ZNF618: variants seen among roughly 807,000 people sequenced by gnomAD.
The protein encoded by ZNF618 is neural precursor cell expressed, developmentally down-regulated 10.
A neutral mutation model predicts 103.0 loss-of-function variants in ZNF618; 34 were observed. That is an observed-to-expected ratio of 0.33 (90% confidence interval 0.25 to 0.44). The LOEUF (loss-of-function observed/expected upper bound fraction) is 0.44, where lower values mean the gene tolerates loss of function less well. Ranked by LOEUF, ZNF618 falls within the 20% of genes least tolerant of loss-of-function variation. The probability of loss-of-function intolerance (pLI) is 1.00; values close to 1 mark genes in which losing one functional copy is unlikely to be tolerated. For synonymous variants in ZNF618, 551 were observed against 542.2 expected (o/e 1.02, Z -0.23); for missense variants, 1,059 against 1,295.4 (o/e 0.82, Z 2.80).
intron 1 of ZNF618, among the ~76,000 whole-genome samples, chr9:113,916,072 C>G (rs201702968): frequency 8.0e-5 from 12 of 149,800 alleles, no homozygotes; most frequent in South Asian, 2.1e-4. Flanking sequence ...GCGCGTGTGT[C>G]TGTGTGTGTG....
intron 13 of ZNF618, among the ~76,000 whole-genome samples, chr9:114,037,277 G>A (rs35841848): frequency 0.3 from 44,934 of 152,022 alleles, 8,131 homozygotes; most frequent in East Asian, 0.62. Flanking sequence ...TATTGGCTCC[G>A]TCCTCCTCTA....
At chr9:114,036,203 T>C (rs1156788896) in intron 12 of ZNF618, 97 bp from the exon 13 acceptor site, 6 of 1,101,980 alleles carry the variant, frequency 5.4e-6, no homozygotes, top group Non-Finnish European at 8.0e-6. Context: ...AGACCCGGTG[T>C]GTGTTTGGGT....
intron 9 of ZNF618, among the ~76,000 whole-genome samples, chr9:114,009,005 T>C (rs996718576): frequency 6.6e-6 from 1 of 152,182 alleles, no homozygotes; most frequent in African/African-American, 2.4e-5. Flanking sequence ...TATCAGTGAA[T>C]GAGCTGTCCA....
rs553801693 is a variant in ZNF618 at position 113,976,255 on chromosome 9, A to G, written c.77+7095A>G. ...GTCTCTAGGGAACTCAGTCCTCCCAATCAGCACATGCCCCCCACATGTGCT... is the reference window on the plus strand; with the variant it reads ...GTCTCTAGGGAACTCAGTCCTCCCAGTCAGCACATGCCCCCCACATGTGCT... On this transcript the variant is annotated intron_variant, in intron 2 of 14. Transcript: ENST00000374126. Among the ~76,000 whole-genome samples the G allele has an allele frequency of 1.1e-4, 16 of 152,292 alleles. No homozygotes were observed. In the East Asian group the frequency reaches 2.9e-3, roughly 28 times the overall value.
chr9:114,007,244 G>C, intron 6 of ZNF618, 106 bp from the exon 7 acceptor site: 1 of 878,910 alleles, frequency 1.1e-6, no homozygotes, highest in Non-Finnish European at 1.8e-6. Context: ...CCGCTAGCCA[G>C]ACTGGGCTAG....
intron 1 of ZNF618, among the ~76,000 whole-genome samples, chr9:113,932,781 G>A (rs1456295687): frequency 6.6e-6 from 1 of 152,124 alleles, no homozygotes; most frequent in Non-Finnish European, 1.5e-5. Context: ...TGGAGGTGTG[G>A]AATGGGAGCC....
intron 1 of ZNF618, among the ~76,000 whole-genome samples, chr9:113,942,032 A>T (rs1834598445): frequency 6.6e-6 from 1 of 152,162 alleles, no homozygotes; most frequent in South Asian, 2.1e-4. Context: ...ACGAAATAGG[A>T]CACAACGGAC....
rs376145816 is a variant in ZNF618, at chr9:114,016,801, G to C, written c.844+17G>C. 1.9e-6 allele frequency: 3 copies of C among 1,596,102 alleles called. No homozygotes were observed. Among genetic ancestry groups the C allele is most frequent in the Non-Finnish European group, 2.6e-6 (3 of 1,166,898 alleles). On this transcript the variant is annotated intron_variant, in intron 10 of 14. Coordinates refer to ENST00000374126, the MANE Select transcript of ZNF618 (RefSeq NM_001318042.2). ...CCCCCATCAGTGAGTACCTCCTCCCGGTAGGGATGGGGGTTGGGGGACCCG... is the reference window on the plus strand; with the variant it reads ...CCCCCATCAGTGAGTACCTCCTCCCCGTAGGGATGGGGGTTGGGGGACCCG...
At chr9:113,979,174 G>A (rs1453797014) in intron 2 of ZNF618, among the ~76,000 whole-genome samples, 1 of 152,196 alleles carries the variant, frequency 6.6e-6, no homozygotes, top group African/African-American at 2.4e-5. Context: ...TAACAGGGCA[G>A]GAGCCTGTTA....
chr9:114,045,328 C>T (rs1845562926), intron 13 of ZNF618, among the ~76,000 whole-genome samples: 1 of 152,026 alleles, frequency 6.6e-6, no homozygotes, highest in Admixed American at 6.6e-5. Flanking sequence ...CCTTATAAAA[C>T]TCTAAGAATT....
chr9:114,026,867 A>G (rs1038681669), intron 10 of ZNF618, among the ~76,000 whole-genome samples: 4 of 151,890 alleles, frequency 2.6e-5, no homozygotes, highest in African/African-American at 9.7e-5. Flanking sequence ...GGTGGAGTCG[A>G]GGGGGGAAAA....
At chr9:113,936,794 A>T (rs1184453736) in intron 1 of ZNF618, among the ~76,000 whole-genome samples, 2 of 152,146 alleles carry the variant, frequency 1.3e-5, no homozygotes, top group Admixed American at 6.5e-5. Flanking sequence ...CATTATTTTT[A>T]AAAATGTGCT....
At chr9:113,881,107 GTCT>G (rs1828476402) in intron 1 of ZNF618, among the ~76,000 whole-genome samples, 1 of 152,206 alleles carries the variant, frequency 6.6e-6, no homozygotes, top group African/African-American at 2.4e-5. Flanking sequence ...TCTTTGCAAG[GTCT>G]TCTTGCTGGA....
rs764249122 is a variant in ZNF618 at position 114,002,669 on chromosome 9, A to C, written c.550+7A>C. 1 of 1,610,988 alleles carries C rather than the reference A, an allele frequency of 6.2e-7. No individual in the cohort carries two copies. Among genetic ancestry groups the C allele is most frequent in the Admixed American group, 1.7e-5 (1 of 59,966 alleles). ...GAGGGAGCCTCCCAAAGCAGTGAGT[A>C]CTTTTTCCTCCTCGTGGGCTGCTGA... On this transcript the variant is annotated splice_region_variant and intron_variant, in intron 6 of 14. Coordinates refer to ENST00000374126, the MANE Select transcript of ZNF618 (RefSeq NM_001318042.2).
chr9:114,019,017 A>G lies in ZNF618; in HGVS notation c.844+2233A>G, dbSNP rs1351921346. ...TCATCAGGTGGTATCCATGGCTGGG[A>G]CTTGAGACTCTGGGTCTGGTGAGTG... is the stretch of plus-strand genomic sequence containing the variant. On this transcript the variant is annotated intron_variant, in intron 10 of 14. Coordinates refer to ENST00000374126, the MANE Select transcript of ZNF618 (RefSeq NM_001318042.2). 2.6e-5 allele frequency among the ~76,000 whole-genome samples: 4 copies of G among 152,262 alleles called. No homozygotes were observed. The East Asian group carries it at 7.7e-4, about 29-fold the overall frequency.
chr9:114,002,612 C>CTG lies in ZNF618; in HGVS notation c.512-11_512-10insGT. ...TAGCCCCACCCCCATCCCTCTCTCTCTCTCTTTGCAGACACCGAAGCCACC... is the reference window on the plus strand; with the variant it reads ...TAGCCCCACCCCCATCCCTCTCTCTCTGTCTCTTTGCAGACACCGAAGCCACC... On this transcript the variant is annotated splice_polypyrimidine_tract_variant and intron_variant, in intron 5 of 14. Transcript: ENST00000374126. The CTG allele has an allele frequency of 6.2e-7, 1 of 1,609,918 alleles. No homozygotes were observed. The highest frequency in any genetic ancestry group is 8.5e-7 in the Non-Finnish European group (1 of 1,179,566).
At chr9:113,985,580 C>T (rs752233637) in intron 2 of ZNF618, among the ~76,000 whole-genome samples, 5 of 152,220 alleles carry the variant, frequency 3.3e-5, no homozygotes, top group East Asian at 1.9e-4. Flanking sequence ...GGCAGCAGCC[C>T]GGAAAGCCAG....
chr9:113,877,074 T>C (rs1828025303), intron 1 of ZNF618, among the ~76,000 whole-genome samples: 1 of 151,430 alleles, frequency 6.6e-6, no homozygotes, highest in Admixed American at 6.6e-5. Context: ...TAAGAGATTC[T>C]TTTTTTTTCT....
intron 10 of ZNF618, among the ~76,000 whole-genome samples, chr9:114,026,162 T>A (rs1301038916): frequency 6.6e-6 from 1 of 152,136 alleles, no homozygotes; most frequent in Admixed American, 6.5e-5. Context: ...GTCAAAAGTT[T>A]GAGGGAAGAA....
Sources: allele counts gnomAD v4.1 joint callset (sites outside exome capture counted in the v4.1 genomes callset), GRCh38; gene constraint gnomAD v4.1.1; transcripts MANE v1.5; gene names NCBI Gene and HGNC (gene_info 2026-07-23, HGNC 2026-07-21).